Variants in RARB observed in about 807,000 individuals in gnomAD.
RARB encodes the protein retinoic acid receptor beta.
A neutral mutation model predicts 51.9 loss-of-function variants in RARB; 17 were observed. That is an observed-to-expected ratio of 0.33 (90% CI 0.22 to 0.49). The LOEUF (loss-of-function observed/expected upper bound fraction) is 0.49, where lower values mean the gene tolerates loss of function less well. RARB is among the 20% of genes least tolerant of loss of function. The pLI, the probability that RARB is intolerant of heterozygous loss-of-function variation, is 0.99. For synonymous variants in RARB, 215 were observed against 195.4 expected (o/e 1.10, Z -0.84); for missense variants, 369 against 550.8 (o/e 0.67, Z 3.30).
At chr3:24,879,942 T>G (rs1258071804) in intron 2 of RARB, among the ~76,000 whole-genome samples, 1 of 146,654 alleles carries the variant, frequency 6.8e-6, no homozygotes, top group Non-Finnish European at 1.5e-5. Context: ...GCAAAGTTCT[T>G]GAGTTTTGTG....
chr3:25,423,359 A>G (rs1034308880), upstream of RARB, among the ~76,000 whole-genome samples: 2 of 152,264 alleles, frequency 1.3e-5, no homozygotes, highest in East Asian at 1.9e-4. Context: ...CAGTGCATTG[A>G]TGTACAGAGA....
intron 2 of RARB, among the ~76,000 whole-genome samples, chr3:25,057,457 T>G (rs1359267719): frequency 6.6e-6 from 1 of 152,026 alleles, no homozygotes; most frequent in Non-Finnish European, 1.5e-5. Flanking sequence ...TCCTAATCTC[T>G]TAGGGAAATC....
At chr3:25,351,352 G>C (rs1176223552) in intron 5 of RARB, among the ~76,000 whole-genome samples, 1 of 151,484 alleles carries the variant, frequency 6.6e-6, no homozygotes, top group East Asian at 1.9e-4. Flanking sequence ...GGTATAATTT[G>C]TTAGAATCCT....
chr3:24,993,699 T>A (rs1481159545), intron 2 of RARB, among the ~76,000 whole-genome samples: 2 of 152,156 alleles, frequency 1.3e-5, no homozygotes, highest in African/African-American at 2.4e-5. Context: ...AATCCTCTGT[T>A]CTACTTTTTA....
intron 3 of RARB, among the ~76,000 whole-genome samples, chr3:25,064,717 C>T (rs1698626637): frequency 6.6e-6 from 1 of 152,148 alleles, no homozygotes; most frequent in African/African-American, 2.4e-5. Context: ...GACCATGTAG[C>T]TAGAAAATGA....
chr3:24,960,049 A>T (rs1332727574), intron 2 of RARB, among the ~76,000 whole-genome samples: 1 of 152,180 alleles, frequency 6.6e-6, no homozygotes, highest in Non-Finnish European at 1.5e-5. Flanking sequence ...ACTATCAATA[A>T]ATTGCAGCAG....
intron 2 of RARB, among the ~76,000 whole-genome samples, chr3:24,959,560 T>C (rs558885920): frequency 2.6e-5 from 4 of 152,070 alleles, no homozygotes; most frequent in Non-Finnish European, 5.9e-5. Flanking sequence ...AGCATTCTAG[T>C]GGGAAGATGG....
chr3:25,539,403 G>A (rs1474505599), intron 3 of RARB, among the ~76,000 whole-genome samples: 1 of 151,860 alleles, frequency 6.6e-6, no homozygotes, highest in Non-Finnish European at 1.5e-5. Context: ...TAGGCATTGT[G>A]TCCCTTCTGA....
chr3:25,118,168 T>C (rs1699722358), intron 3 of RARB, among the ~76,000 whole-genome samples: 1 of 152,202 alleles, frequency 6.6e-6, no homozygotes, highest in Non-Finnish European at 1.5e-5. Context: ...CTGTATAATG[T>C]CATGAATGGT....
intron 2 of RARB, among the ~76,000 whole-genome samples, chr3:24,907,500 G>A (rs1694891951): frequency 6.6e-6 from 1 of 152,134 alleles, no homozygotes; most frequent in South Asian, 2.1e-4. Context: ...ATTATTAAAT[G>A]TGGTTAAATG....
chr3:24,857,998 C>CT (rs1702666949), intron 1 of RARB, among the ~76,000 whole-genome samples: 1 of 152,112 alleles, frequency 6.6e-6, no homozygotes, highest in African/African-American at 2.4e-5. Context: ...ATCTCTGAGG[C>CT]AAGTTATTTA....
At chr3:25,176,075 A>G (rs954401002) in intron 5 of RARB, among the ~76,000 whole-genome samples, 1 of 152,200 alleles carries the variant, frequency 6.6e-6, no homozygotes, top group Non-Finnish European at 1.5e-5. Flanking sequence ...CCGTTGCTCA[A>G]CTGGCCTGAC....
intron 5 of RARB, among the ~76,000 whole-genome samples, chr3:25,247,111 A>G (rs561429077): frequency 6.6e-6 from 1 of 152,310 alleles, no homozygotes; most frequent in African/African-American, 2.4e-5. Context: ...TGGGAGCTTC[A>G]TTTACACTGC....
At chr3:24,925,951 G>A (rs560778681) in intron 2 of RARB, among the ~76,000 whole-genome samples, 1 of 152,032 alleles carries the variant, frequency 6.6e-6, no homozygotes, top group Non-Finnish European at 1.5e-5. Context: ...CTTTGAAGTT[G>A]ATGTCTGCTA....
chr3:25,037,174 T>C (rs1364250987), intron 2 of RARB, among the ~76,000 whole-genome samples: 1 of 152,110 alleles, frequency 6.6e-6, no homozygotes, highest in African/African-American at 2.4e-5. Flanking sequence ...TAAATAGCTC[T>C]GATTGACTTT....
chr3:25,065,910 C>T (rs1023304933), intron 3 of RARB, among the ~76,000 whole-genome samples: 1 of 152,064 alleles, frequency 6.6e-6, no homozygotes, highest in African/African-American at 2.4e-5. Flanking sequence ...CTGTAGATGA[C>T]TCTCTTTTAC....
At chr3:25,002,248 C>G (rs1435724142) in intron 2 of RARB, among the ~76,000 whole-genome samples, 5 of 152,158 alleles carry the variant, frequency 3.3e-5, no homozygotes, top group Admixed American at 2.6e-4. Context: ...AGCACACTTC[C>G]CACGTTTATC....
At chr3:25,432,682 AAAAG>A (rs1292406680) in intron 1 of RARB, among the ~76,000 whole-genome samples, 1 of 152,222 alleles carries the variant, frequency 6.6e-6, no homozygotes, top group Non-Finnish European at 1.5e-5. Flanking sequence ...AGGTGGCTGA[AAAAG>A]AAAGAAAACC....
intron 3 of RARB, among the ~76,000 whole-genome samples, chr3:25,537,717 T>C (rs1472315982): frequency 1.3e-5 from 2 of 152,248 alleles, no homozygotes; most frequent in Non-Finnish European, 2.9e-5. Context: ...GACTCTCTTC[T>C]TGAATGCCTG....
Sources: gnomAD v4.1 joint callset for allele counts (sites outside exome capture counted in the v4.1 genomes callset) on GRCh38, gnomAD v4.1.1 for gene constraint, MANE v1.5 for transcripts, NCBI Gene and HGNC (gene_info 2026-07-23, HGNC 2026-07-21) for gene names.